Variants in HS3ST4 observed in about 807,000 individuals in gnomAD.
HS3ST4 encodes the protein heparan sulfate-glucosamine 3-sulfotransferase 4.
In HS3ST4, 17 loss-of-function variants were observed where a neutral mutation model predicts 29.2. The observed-to-expected ratio is 0.58, with a 90% CI of 0.40 to 0.87. The LOEUF is 0.87. Among genes scored for constraint, HS3ST4 ranks in the 40% least tolerant of loss-of-function variants. HS3ST4 has a pLI of 0.00. For synonymous variants in HS3ST4, 314 were observed against 285.7 expected (o/e 1.10, Z -1.00); for missense variants, 627 against 634.5 (o/e 0.99, Z 0.13).
rs185759117 is a variant in HS3ST4 at position 25,809,903 on chromosome 16, A to G, written c.734+116752A>G. Among the ~76,000 whole-genome samples the G allele has an allele frequency of 4.4e-3, 672 of 152,070 alleles. 3 individuals carry two copies. The highest frequency in any genetic ancestry group is 0.015 in the African/African-American group (632 of 41,492). On this transcript the variant is annotated intron_variant, in intron 1 of 1. Transcript: ENST00000331351. ...ATTTTGTAGGTTTTGCTATAATTTTATCAAATTTATTGACTTTTCTTCAAA... is the reference window on the plus strand; with the variant it reads ...ATTTTGTAGGTTTTGCTATAATTTTGTCAAATTTATTGACTTTTCTTCAAA...
chr16:25,988,843 T>G (rs1969088277), intron 1 of HS3ST4, among the ~76,000 whole-genome samples: 2 of 151,406 alleles, frequency 1.3e-5, no homozygotes, highest in African/African-American at 4.9e-5. Context: ...AACCTGCACA[T>G]GTACCCCTGA....
chr16:25,692,335 GGC>G lies in HS3ST4; in HGVS notation c.-81_-80del. 6.2e-5 allele frequency: 10 copies of G among 161,544 alleles called. No individual in the cohort carries two copies. The highest frequency in any genetic ancestry group is 1.7e-4 in the South Asian group (1 of 5,752). The allele number at this position is 161,544 out of a possible 1,614,324, so 10.0% of individuals were successfully genotyped here. A position where few individuals can be genotyped will look rare whatever the true frequency, so the allele number is the denominator to read the frequency against. On this transcript the variant is annotated 5_prime_UTR_variant, in exon 1 of 2. It introduces an in-frame stop codon into an upstream open reading frame of the 5' UTR. Transcript: ENST00000331351. The stretch of plus-strand genomic sequence containing the variant: ...CGGCGGCGGCGGCGGCGGCGGCGGC[GGC>G]GGGGGCGGCGGCTGAAACCATGTCC...
At chr16:25,907,661 C>A (rs1968192884) in intron 1 of HS3ST4, among the ~76,000 whole-genome samples, 1 of 152,186 alleles carries the variant, frequency 6.6e-6, no homozygotes, top group African/African-American at 2.4e-5. Flanking sequence ...ATTTACCCTG[C>A]TCAAAGTGCT....
chr16:25,897,207 C>T (rs904984225), intron 1 of HS3ST4, among the ~76,000 whole-genome samples: 3 of 152,158 alleles, frequency 2.0e-5, no homozygotes, highest in Non-Finnish European at 4.4e-5. Flanking sequence ...GTAATCCCAG[C>T]ACTTTGGAAG....
intron 1 of HS3ST4, among the ~76,000 whole-genome samples, chr16:26,005,096 G>T (rs1969245995): frequency 6.6e-6 from 1 of 152,036 alleles, no homozygotes; most frequent in Non-Finnish European, 1.5e-5. Context: ...TCATATATGT[G>T]TGCACTTTTA....
chr16:25,857,911 CCTTCCTTCCTTTCTTTCTTT>C (rs1325596189), intron 1 of HS3ST4, among the ~76,000 whole-genome samples: 404 of 73,220 alleles, frequency 5.5e-3, no homozygotes, highest in African/African-American at 0.021. Context: ...TTCCTTCCTT[CCTTCCTTCCTTTCTTTCTTT>C]CTTTCTTTCT....
intron 1 of HS3ST4, among the ~76,000 whole-genome samples, chr16:25,930,874 A>G (rs1968455526): frequency 6.6e-6 from 1 of 152,162 alleles, no homozygotes; most frequent in Admixed American, 6.5e-5. Flanking sequence ...TCCTGATCCA[A>G]TGACCATGAG....
intron 1 of HS3ST4, among the ~76,000 whole-genome samples, chr16:25,696,785 T>C (rs1256776097): frequency 6.6e-6 from 1 of 152,258 alleles, no homozygotes. Flanking sequence ...ATATTTTGCA[T>C]GTGGCAACTG....
At chr16:26,011,910 C>G (rs1384229578) in intron 1 of HS3ST4, among the ~76,000 whole-genome samples, 1 of 152,106 alleles carries the variant, frequency 6.6e-6, no homozygotes, top group Non-Finnish European at 1.5e-5. Context: ...GGCTTGCCTT[C>G]CTAAGTATTA....
intron 1 of HS3ST4, among the ~76,000 whole-genome samples, chr16:25,729,851 G>A (rs763308638): frequency 1.3e-5 from 2 of 152,110 alleles, no homozygotes; most frequent in Non-Finnish European, 2.9e-5. Flanking sequence ...TTCCAGCCTC[G>A]GGTACAGGTA....
At chr16:26,077,078 T>C (rs1215018346) in intron 1 of HS3ST4, among the ~76,000 whole-genome samples, 2 of 152,204 alleles carry the variant, frequency 1.3e-5, no homozygotes, top group South Asian at 2.1e-4. Context: ...GGTTCATTCA[T>C]GCAGCTGCAG....
intron 1 of HS3ST4, among the ~76,000 whole-genome samples, chr16:25,937,644 T>G (rs1021183015): frequency 6.6e-6 from 1 of 152,166 alleles, no homozygotes; most frequent in African/African-American, 2.4e-5. Flanking sequence ...TGGATTATGA[T>G]GGGCCTGAGG....
intron 1 of HS3ST4, among the ~76,000 whole-genome samples, chr16:25,702,412 T>A (rs1966340218): frequency 6.6e-6 from 1 of 152,158 alleles, no homozygotes; most frequent in Admixed American, 6.6e-5. Flanking sequence ...AGGAATAAAT[T>A]TAGCAAAAAT....
chr16:25,737,337 A>G (rs545978291), intron 1 of HS3ST4, among the ~76,000 whole-genome samples: 3 of 143,864 alleles, frequency 2.1e-5, no homozygotes, highest in South Asian at 2.3e-4. Context: ...AAATGTGAAT[A>G]AAAGTATATG....
At chr16:25,697,492 C>T (rs553994010) in intron 1 of HS3ST4, among the ~76,000 whole-genome samples, 5 of 152,284 alleles carry the variant, frequency 3.3e-5, no homozygotes, top group South Asian at 2.1e-4. Context: ...TCAAGTAAAA[C>T]GTCTTGCAAT....
intron 1 of HS3ST4, among the ~76,000 whole-genome samples, chr16:25,710,864 T>C (rs1966410820): frequency 7.5e-6 from 1 of 133,310 alleles, no homozygotes; most frequent in South Asian, 2.9e-4. Flanking sequence ...TCACTCAGGC[T>C]GGAGTACAGT....
At chr16:25,803,110 TAG>T (rs943386164) in intron 1 of HS3ST4, among the ~76,000 whole-genome samples, 15 of 151,848 alleles carry the variant, frequency 9.9e-5, no homozygotes, top group African/African-American at 3.6e-4. Flanking sequence ...TATATATATG[TAG>T]AGAGAGAGAG....
At chr16:25,742,875 G>C (rs984934720) in intron 1 of HS3ST4, among the ~76,000 whole-genome samples, 1 of 152,132 alleles carries the variant, frequency 6.6e-6, no homozygotes, top group African/African-American at 2.4e-5. Flanking sequence ...TGACCATTCT[G>C]ACAAATTTGT....
chr16:25,785,880 A>C (rs1449536011), intron 1 of HS3ST4, among the ~76,000 whole-genome samples: 2 of 152,174 alleles, frequency 1.3e-5, no homozygotes, highest in East Asian at 3.9e-4. Flanking sequence ...AGTGAGAACA[A>C]ACTGGACATG....
Sources: gnomAD v4.1 joint callset for allele counts (sites outside exome capture counted in the v4.1 genomes callset) on GRCh38, gnomAD v4.1.1 for gene constraint, MANE v1.5 for transcripts, NCBI Gene and HGNC (gene_info 2026-07-23, HGNC 2026-07-21) for gene names.